OTOF: variants seen among roughly 807,000 people sequenced by gnomAD.
OTOF encodes fer-1-like family member 2.
A neutral mutation model predicts 236.8 loss-of-function variants in OTOF; 218 were observed. That is an observed-to-expected ratio of 0.92 (90% CI 0.82 to 1.03). OTOF has a LOEUF of 1.03. OTOF is among the 50% of genes least tolerant of loss of function. The pLI is 0.00. For synonymous variants in OTOF, 1,041 were observed against 1,072.5 expected (o/e 0.97, Z 0.57); for missense variants, 2,590 against 2,694.4 (o/e 0.96, Z 0.86).
chr2:26,489,388 G>A lies in OTOF; in HGVS notation c.961-93C>T. 2 of 971,066 alleles carry A rather than the reference G, an allele frequency of 2.1e-6. 1 individual carries two copies. The allele number at this position is 971,066 out of a possible 1,614,324, so 60.2% of individuals were successfully genotyped here. On this transcript the variant is annotated intron_variant, in intron 10 of 46. Coordinates refer to ENST00000272371, the MANE Select transcript of OTOF (RefSeq NM_194248.3). ...GGGACCCGAGCTTTGTGGTGAAGTG[G>A]GAGGGCGTTGGCAGAGTGGGGTGGC...
rs1664444941 is a variant in OTOF at position 26,461,108 on chromosome 2, G to A, written c.5534-78C>T. 4.4e-6 allele frequency: 5 copies of A among 1,144,022 alleles called. No homozygotes were observed. The Admixed American group carries it at 5.9e-5, about 14-fold the overall frequency. 70.9% of individuals were successfully genotyped at this position (1,144,022 alleles called of 1,614,324 possible). On this transcript the variant is annotated intron_variant, in intron 43 of 46. Coordinates refer to ENST00000272371, the MANE Select transcript of OTOF (RefSeq NM_194248.3). This position sits in a 1 kb window ranked among gnomAD's most constrained non-coding sequence, Gnocchi z 6.2. ...GTGGGGGTGGGGGTCTGGGCTCCTC[G>A]GCCCCTTGTTTGCTGAGTGCAGACC...
intron 16 of OTOF, 59 bp downstream of exon 16, chr2:26,480,144 A>T: frequency 1.0e-6 from 1 of 961,144 alleles, no homozygotes; most frequent in Non-Finnish European, 1.7e-6. Flanking sequence ...CCTAGGCCTG[A>T]AGCCCCCGTG....
rs147061068 is a variant in OTOF at position 26,477,175 on chromosome 2, G to A, written c.2520C>T (p.Asp840=). ...NFLQKLRFLA[D]EPQHSIPDIF... ...GCCCCGACCCCTTGGGCCGCACCTC[G>A]TCCGCCAGGAAGCGCAGCTTCTGCA... The change falls in exon 21 of 47, where the codon GAC becomes GAT. Residue 840 remains aspartate (D), a synonymous_variant. Transcript: ENST00000272371. This position sits in a 1 kb window ranked among gnomAD's most constrained non-coding sequence, Gnocchi z 4.7. The A allele has an allele frequency of 6.5e-5, 104 of 1,609,588 alleles. No homozygotes were observed. The highest frequency in any genetic ancestry group is 1.2e-4 in the Admixed American group (7 of 59,896).
At chr2:26,540,018 C>T (rs1667172553) in intron 1 of OTOF, among the ~76,000 whole-genome samples, 1 of 152,156 alleles carries the variant, frequency 6.6e-6, no homozygotes, top group African/African-American at 2.4e-5. Context: ...ACTGCAAACT[C>T]TGCCTCCGGG....
intron 1 of OTOF, among the ~76,000 whole-genome samples, chr2:26,554,398 C>A (rs1667536576): frequency 6.6e-6 from 1 of 152,092 alleles, no homozygotes; most frequent in Admixed American, 6.5e-5. Context: ...AAACCCATGA[C>A]ACAGTGAATC....
chr2:26,491,132 G>A (rs1287337105), intron 9 of OTOF, among the ~76,000 whole-genome samples: 2 of 152,194 alleles, frequency 1.3e-5, no homozygotes, highest in Non-Finnish European at 2.9e-5. Flanking sequence ...AGAGACAGGG[G>A]AAGCAGGAGA....
intron 9 of OTOF, among the ~76,000 whole-genome samples, chr2:26,491,838 C>T (rs13397811): frequency 0.02 from 3,075 of 152,326 alleles, 99 homozygotes; most frequent in African/African-American, 0.069. Context: ...CCCAGGGGAG[C>T]GAGCTAGCTG....
intron 4 of OTOF, 101 bp from the exon 5 acceptor site, chr2:26,516,700 C>A: frequency 8.0e-7 from 1 of 1,242,638 alleles, no homozygotes. Context: ...CTTCCACACC[C>A]TTGCCTCACT....
rs989494370 is a variant in OTOF, at chr2:26,497,917, C to T, written c.766-2844G>A. ...ATAGTTTGTAGAGTTTTAACTTCCA[C>T]GAACCCTTTTTTGCCAAAGATTTTT... On this transcript the variant is annotated intron_variant, in intron 8 of 46. Transcript: ENST00000272371. 7.2e-5 allele frequency among the ~76,000 whole-genome samples: 11 copies of T among 152,292 alleles called. No homozygotes were observed. The East Asian group carries it at 1.5e-3, about 21-fold the overall frequency.
At chr2:26,548,400 T>C (rs969696789) in intron 1 of OTOF, among the ~76,000 whole-genome samples, 6 of 152,140 alleles carry the variant, frequency 3.9e-5, no homozygotes, top group South Asian at 2.1e-4. Context: ...ATTCCCAAGG[T>C]TGTACACCCA....
intron 1 of OTOF, among the ~76,000 whole-genome samples, chr2:26,553,005 G>A (rs1161130391): frequency 6.6e-6 from 1 of 152,176 alleles, no homozygotes. Context: ...TTTACCAGGG[G>A]CGGCAGATAA....
chr2:26,502,763 G>A (rs1251600707), intron 6 of OTOF, among the ~76,000 whole-genome samples: 2 of 152,202 alleles, frequency 1.3e-5, no homozygotes, highest in Non-Finnish European at 2.9e-5. Context: ...ACCATTTGTT[G>A]GGTGGATACT....
At chr2:26,472,758 G>C in intron 29 of OTOF, 109 bp from the exon 30 acceptor site, 1 of 1,137,912 alleles carries the variant, frequency 8.8e-7, no homozygotes, top group Non-Finnish European at 1.3e-6. Flanking sequence ...GGAACTTTCT[G>C]AGGGAGAGGG....
At chr2:26,498,021 C>T (rs768291202) in intron 8 of OTOF, among the ~76,000 whole-genome samples, 2 of 152,324 alleles carry the variant, frequency 1.3e-5, no homozygotes, top group African/African-American at 2.4e-5. Context: ...GACTGGGAAG[C>T]GGACAGACAT....
At chr2:26,494,468 C>T (rs564531123) in intron 9 of OTOF, among the ~76,000 whole-genome samples, 14 of 152,320 alleles carry the variant, frequency 9.2e-5, no homozygotes, top group Admixed American at 3.3e-4. Context: ...TCTCACTGTC[C>T]CCTTGTGTAA....
chr2:26,475,531 G>A, intron 24 of OTOF, 38 bp from the exon 25 acceptor site: 6 of 1,604,686 alleles, frequency 3.7e-6, no homozygotes, highest in Non-Finnish European at 5.1e-6. Context: ...ACAAGTGACA[G>A]AGGGGGGGGC....
In OTOF at chr2:26,477,567, C is replaced by T. The variant is rs1213732864; in HGVS notation, c.2316-61G>A. 1.9e-6 allele frequency: 3 copies of T among 1,595,676 alleles called. No homozygotes were observed. Among genetic ancestry groups the T allele is most frequent in the African/African-American group, 1.3e-5 (1 of 74,596 alleles). On this transcript the variant is annotated intron_variant, in intron 19 of 46. Coordinates refer to ENST00000272371, the MANE Select transcript of OTOF (RefSeq NM_194248.3). The surrounding 1 kb of genome is among the most constrained non-coding windows in gnomAD (Gnocchi z 4.7). ...ACCAGCAGGGGCTCTGTAGATTCTTCCTCATCTGCCCAGCCCTGGCAGGGT... is the reference window on the plus strand; with the variant it reads ...ACCAGCAGGGGCTCTGTAGATTCTTTCTCATCTGCCCAGCCCTGGCAGGGT...
At position 26,553,778 on chromosome 2, in the gene OTOF, T is replaced by G. The variant is rs73923722; in HGVS notation, c.79+4715A>C. ...GAGCCTGCTCCCACCTCCTTTCCCG[T>G]CTGCCCTTTCTCCTTCCTCTGTCTT... On this transcript the variant is annotated intron_variant, in intron 1 of 46. Transcript: ENST00000272371. 9.2e-5 allele frequency among the ~76,000 whole-genome samples: 14 copies of G among 152,264 alleles called. No individual in the cohort carries two copies. In the South Asian group the frequency reaches 2.7e-3, roughly 29 times the overall value.
intron 24 of OTOF, 139 bp downstream of exon 24, chr2:26,475,775 C>G (rs996909122): frequency 1.7e-6 from 2 of 1,148,554 alleles, no homozygotes; most frequent in East Asian, 5.2e-5. Flanking sequence ...GCAGGGCTTC[C>G]CCTGAGAAAC....
Sources: allele counts gnomAD v4.1 joint callset (sites outside exome capture counted in the v4.1 genomes callset), GRCh38; gene constraint gnomAD v4.1.1; non-coding constraint Gnocchi (gnomAD v3.1); transcripts MANE v1.5; gene names NCBI Gene and HGNC (gene_info 2026-07-23, HGNC 2026-07-21).